The following SLC22A13 variants were observed in gnomAD, a reference collection of about 807,000 sequenced individuals.
SLC22A13 encodes solute carrier family 22 member 13.
In SLC22A13, 42 loss-of-function variants were observed where a neutral mutation model predicts 49.1. The observed-to-expected ratio is 0.85, with a 90% CI of 0.67 to 1.11. SLC22A13 has a LOEUF of 1.11. Among genes scored for constraint, SLC22A13 ranks in the 50% least tolerant of loss-of-function variants. SLC22A13 has a pLI of 0.00. For missense variants in SLC22A13, 694 were observed against 712.8 expected (o/e 0.97, Z 0.30); for synonymous variants, 282 against 293.1 (o/e 0.96, Z 0.39).
Position 38,277,697 on chromosome 3 carries a change from C to T in SLC22A13, c.*232C>T. On this transcript the variant is annotated 3_prime_UTR_variant, in exon 10 of 10. Transcript: ENST00000311856. ...CACCTTTCTCATCTCCAGAGCCCTGCCCCCAATACTCTGTCTGGGTTAGGA... is the reference window on the plus strand; with the variant it reads ...CACCTTTCTCATCTCCAGAGCCCTGTCCCCAATACTCTGTCTGGGTTAGGA... The T allele has an allele frequency of 4.3e-6, 2 of 461,738 alleles. No homozygotes were observed. Among genetic ancestry groups the T allele is most frequent in the South Asian group, 3.2e-5 (1 of 31,720 alleles). 28.6% of individuals were successfully genotyped at this position (461,738 alleles called of 1,614,324 possible).
intron 8 of SLC22A13, 61 bp downstream of exon 8, chr3:38,276,456 C>A: frequency 8.2e-7 from 1 of 1,213,068 alleles, no homozygotes; most frequent in South Asian, 1.3e-5. Context: ...GGCTGTCCCT[C>A]CTCGGCCCTC....
At chr3:38,271,735 A>G (rs1452323503) in intron 1 of SLC22A13, among the ~76,000 whole-genome samples, 1 of 152,114 alleles carries the variant, frequency 6.6e-6, no homozygotes, top group African/African-American at 2.4e-5. Context: ...AATGCCTGGC[A>G]TATTTAGGAA....
chr3:38,266,106 C>G lies in SLC22A13; in HGVS notation c.246C>G (p.Pro82=). 2 of 1,614,160 alleles carry G rather than the reference C, an allele frequency of 1.2e-6. No individual in the cohort carries two copies. Among genetic ancestry groups the G allele is most frequent in the Non-Finnish European group, 1.7e-6 (2 of 1,180,040 alleles). The stretch of plus-strand genomic sequence containing the variant: ...TGGACACTGCAGGTCACCCAGAGCC[C>G]TGCCTCATGTTCCGGCCACCCCCCG... ...VPLDTAGHPE[P]CLMFRPPPAN... The change falls in exon 1 of 10, where the codon CCC becomes CCG. Residue 82 remains proline, a synonymous_variant. Coordinates refer to ENST00000311856, the MANE Select transcript of SLC22A13 (RefSeq NM_004256.4).
At chr3:38,275,743 G>A (rs1703573532) in intron 6 of SLC22A13, 71 bp downstream of exon 6, 1 of 1,529,578 alleles carries the variant, frequency 6.5e-7, no homozygotes. Context: ...CAGAGGGGTG[G>A]GCTGGTGGCT....
chr3:38,267,058 C>T (rs1257840268), intron 1 of SLC22A13, among the ~76,000 whole-genome samples: 1 of 152,152 alleles, frequency 6.6e-6, no homozygotes. Context: ...CACAGATAGT[C>T]CAGAAACCTG....
rs755280647 is a variant in SLC22A13, at chr3:38,265,976, A to G, written c.116A>G (p.His39Arg). 1.2e-6 allele frequency: 2 copies of G among 1,614,062 alleles called. No individual in the cohort carries two copies. Among genetic ancestry groups the G allele is most frequent in the Non-Finnish European group, 1.7e-6 (2 of 1,180,002 alleles). ...NFLSPFYFFA[H>R]VFMVLDEPHH... ...CTGTCTCCCTTCTACTTTTTTGCCC[A>G]TGTCTTCATGGTCCTAGATGAGCCC... is the stretch of plus-strand genomic sequence containing the variant. Residue 39 changes from histidine to arginine, a missense_variant, in exon 1 of 10, where the codon CAT becomes CGT. Transcript: ENST00000311856.
At chr3:38,269,577 T>G (rs1467681179) in intron 1 of SLC22A13, among the ~76,000 whole-genome samples, 1 of 152,092 alleles carries the variant, frequency 6.6e-6, no homozygotes, top group Non-Finnish European at 1.5e-5. Context: ...ATTCTTAGTT[T>G]GACTTAAACC....
chr3:38,276,118 C>T (rs778661907), intron 7 of SLC22A13, 22 bp downstream of exon 7: 4 of 1,594,676 alleles, frequency 2.5e-6, no homozygotes, highest in Non-Finnish European at 2.6e-6. Context: ...GGCTATCCCT[C>T]ACCCGCATGC....
At chr3:38,273,777 G>A (rs1703546096) in intron 1 of SLC22A13, among the ~76,000 whole-genome samples, 1 of 152,176 alleles carries the variant, frequency 6.6e-6, no homozygotes. Flanking sequence ...TGGAATAAAT[G>A]CATAAGTTGA....
intron 1 of SLC22A13, among the ~76,000 whole-genome samples, chr3:38,270,059 A>G (rs1346977126): frequency 6.6e-6 from 1 of 151,860 alleles, no homozygotes; most frequent in African/African-American, 2.4e-5. Flanking sequence ...CTCATTTTTT[A>G]TGGCTGCATA....
intron 8 of SLC22A13, 55 bp downstream of exon 8, chr3:38,276,450 G>A (rs755461887): frequency 2.8e-5 from 36 of 1,303,118 alleles, no homozygotes; most frequent in Non-Finnish European, 3.6e-5. Context: ...TGATTTGGCT[G>A]TCCCTCCTCG....
At position 38,276,043 on chromosome 3, in the gene SLC22A13, G is replaced by A. The variant is rs1703579614; in HGVS notation, c.1184G>A (p.Gly395Glu). The change falls in exon 7 of 10, where the codon GGG becomes GAG. Residue 395 changes from glycine (G) to glutamate (E), a missense_variant. Transcript: ENST00000311856. Reference protein sequence around the residue: ...QRFGRKWSQLGTLVLGGLMCI... With the variant: ...QRFGRKWSQLETLVLGGLMCI... Reference sequence around the variant, plus strand: ...TTTGGCCGCAAGTGGAGCCAGTTGGGGACCTTGGTCTTGGGTGGCCTGATG... The same window carrying A: ...TTTGGCCGCAAGTGGAGCCAGTTGGAGACCTTGGTCTTGGGTGGCCTGATG... The A allele has an allele frequency of 1.2e-6, 2 of 1,614,148 alleles. No homozygotes were observed. Among genetic ancestry groups the A allele is most frequent in the Non-Finnish European group, 1.7e-6 (2 of 1,180,030 alleles).
rs1163808628 is a variant in SLC22A13, at chr3:38,274,164, GT to G, written c.379-105del. On this transcript the variant is annotated intron_variant, in intron 1 of 9. Transcript: ENST00000311856. ...GTGCCCTGGAGTGCCTCAGTACACAGTTTGGGAACCATGAGCTCCTGCCCTG... is the reference window on the plus strand; with the variant it reads ...GTGCCCTGGAGTGCCTCAGTACACAGTTGGGAACCATGAGCTCCTGCCCTG... 11 of 817,650 alleles carry G rather than the reference GT, an allele frequency of 1.3e-5. No homozygotes were observed. The African/African-American group carries it at 1.8e-4, about 14-fold the overall frequency. 50.6% of individuals were successfully genotyped at this position (817,650 alleles called of 1,614,324 possible). A position where few individuals can be genotyped will look rare whatever the true frequency, so the allele number is the denominator to read the frequency against.
At chr3:38,268,458 C>T (rs1407075888) in intron 1 of SLC22A13, among the ~76,000 whole-genome samples, 1 of 152,184 alleles carries the variant, frequency 6.6e-6, no homozygotes, top group Non-Finnish European at 1.5e-5. Context: ...GGGTCTTCAG[C>T]TGCGTTCTAG....
chr3:38,275,466 ACT>A lies in SLC22A13; in HGVS notation c.907_908del (p.Ser303ProfsTer70). ...QKAASVNRRK[L>X]SPELMNQLVP... ...AGGCGGCCTCGGTCAATAGGCGGAAACTCTCCCCGGAGCTCATGAACCAGGTA... is the reference window on the plus strand; with the variant it reads ...AGGCGGCCTCGGTCAATAGGCGGAAACTCCCCGGAGCTCATGAACCAGGTA... On this transcript the variant is annotated frameshift_variant, in exon 5 of 10. Transcript: ENST00000311856. LOFTEE classifies it high-confidence loss of function. 6.2e-7 allele frequency: 1 copy of A among 1,613,788 alleles called. No homozygotes were observed. The highest frequency in any genetic ancestry group is 1.1e-5 in the South Asian group (1 of 91,058).
In SLC22A13 at chr3:38,276,303, C is replaced by CT; in HGVS notation, c.1254_1255insT (p.Thr419TyrfsTer241). 1 of 1,613,068 alleles carries CT rather than the reference C, an allele frequency of 6.2e-7. No individual in the cohort carries two copies. Among genetic ancestry groups the CT allele is most frequent in the Non-Finnish European group, 8.5e-7 (1 of 1,179,440 alleles). On this transcript the variant is annotated frameshift_variant, in exon 8 of 10. Transcript: ENST00000311856. LOFTEE classifies it high-confidence loss of function. ...CTCTGCCAGATCTGCCCGTGGTGGT[C>CT]ACCATGCTGGCTGTGGTGGGGAAGA...
In SLC22A13 at chr3:38,277,368, C is replaced by T. The variant is rs774099605; in HGVS notation, c.1563-4C>T. 38 of 1,611,756 alleles carry T rather than the reference C, an allele frequency of 2.4e-5. No homozygotes were observed. Among genetic ancestry groups the T allele is most frequent in the Admixed American group, 1.7e-4 (10 of 59,948 alleles). On this transcript the variant is annotated splice_region_variant and splice_polypyrimidine_tract_variant and intron_variant, in intron 9 of 9. Coordinates refer to ENST00000311856, the MANE Select transcript of SLC22A13 (RefSeq NM_004256.4). ...AGCCAATGACAGCCTTCTGCTCCCT[C>T]TAGGTCCCCCAAATCAGTGCCCTCA...
At chr3:38,277,191 C>A in intron 9 of SLC22A13, 64 bp downstream of exon 9, 1 of 1,284,254 alleles carries the variant, frequency 7.8e-7, no homozygotes, top group Admixed American at 2.0e-5. Context: ...ACTCTATATG[C>A]CCAGGCCTCC....
intron 2 of SLC22A13, 64 bp downstream of exon 2, chr3:38,274,439 TCCCCCTTATG>T: frequency 6.8e-7 from 1 of 1,479,760 alleles, no homozygotes; most frequent in Non-Finnish European, 9.5e-7. Context: ...CAGGCCCAAG[TCCCCCTTATG>T]CCCCTTACAC....
Sources: allele counts gnomAD v4.1 joint callset (sites outside exome capture counted in the v4.1 genomes callset), GRCh38; gene constraint gnomAD v4.1.1; transcripts MANE v1.5; gene names NCBI Gene and HGNC (gene_info 2026-07-23, HGNC 2026-07-21).